ENOX2: variants seen among roughly 807,000 people sequenced by gnomAD.
ENOX2 encodes ecto-NOX disulfide-thiol exchanger 2.
In ENOX2, 36 loss-of-function variants were observed where a neutral mutation model predicts 45.0. The ratio of observed to expected loss-of-function variants is 0.80; its 90% CI spans 0.61 to 1.06. The LOEUF (loss-of-function observed/expected upper bound fraction) is 1.06, where lower values mean the gene tolerates loss of function less well. ENOX2 is among the 50% of genes least tolerant of loss of function. The pLI is 0.00. For missense variants in ENOX2, 423 were observed against 462.5 expected (o/e 0.91, Z 0.78); for synonymous variants, 174 against 152.3 (o/e 1.14, Z -1.05).
chrX:130,688,602 T>C (rs1453188684), intron 5 of ENOX2, among the ~76,000 whole-genome samples: 1 of 112,166 alleles, frequency 8.9e-6, no homozygotes, highest in African/African-American at 3.2e-5. Flanking sequence ...TGCTTCCTTC[T>C]TTACTAACAC....
intron 2 of ENOX2, among the ~76,000 whole-genome samples, chrX:130,817,945 G>C (rs963095708): frequency 3.6e-5 from 4 of 111,532 alleles, no homozygotes; most frequent in Admixed American, 9.5e-5. Context: ...AGAAATAAAG[G>C]GTATTCAAAT....
intron 2 of ENOX2, among the ~76,000 whole-genome samples, chrX:130,889,000 G>C (rs904656020): frequency 2.7e-5 from 3 of 111,081 alleles, no homozygotes; most frequent in African/African-American, 9.8e-5. Flanking sequence ...CAGTGTGTTG[G>C]GGGAGGATTC....
In ENOX2 at chrX:130,876,539, G is replaced by A. The variant is rs755037181; in HGVS notation, c.-183+25145C>T. On this transcript the variant is annotated intron_variant, in intron 2 of 14. Coordinates refer to ENST00000394363, the MANE Select transcript of ENOX2 (RefSeq NM_006375.4). ...AAAATGTTCTAAAATTAGATTTTTG[G>A]TGAGGGTTGCACAACCCTGTGAATA... 3.6e-5 allele frequency among the ~76,000 whole-genome samples: 4 copies of A among 111,642 alleles called. No homozygotes were observed. In the East Asian group the frequency reaches 1.1e-3, roughly 32 times the overall value.
chrX:130,637,162 G>T, intron 11 of ENOX2, 67 bp downstream of exon 11: 2 of 865,283 alleles, frequency 2.3e-6, no homozygotes, highest in Admixed American at 2.2e-5. Context: ...GATTGCAGGG[G>T]ACCCTTTTAT....
intron 2 of ENOX2, among the ~76,000 whole-genome samples, chrX:130,812,795 G>A (rs1287215609): frequency 1.8e-5 from 2 of 111,428 alleles, no homozygotes; most frequent in African/African-American, 6.5e-5. Flanking sequence ...TACAAAAATC[G>A]AAAAATCAAT....
chrX:130,871,044 G>C (rs999753527), intron 2 of ENOX2, among the ~76,000 whole-genome samples: 1 of 110,958 alleles, frequency 9.0e-6, no homozygotes, highest in Non-Finnish European at 1.9e-5. Flanking sequence ...TAGTCGTTAT[G>C]AGAAAGAGCC....
At chrX:130,835,593 G>A (rs1203729869) in intron 2 of ENOX2, among the ~76,000 whole-genome samples, 1 of 111,435 alleles carries the variant, frequency 9.0e-6, no homozygotes, top group Non-Finnish European at 1.9e-5. Context: ...TAGCTAGGCA[G>A]AAAGCAGCAT....
intron 2 of ENOX2, among the ~76,000 whole-genome samples, chrX:130,863,365 A>G (rs1397809513): frequency 8.9e-6 from 1 of 112,226 alleles, no homozygotes; most frequent in African/African-American, 3.2e-5. Flanking sequence ...CCCTTTTGAA[A>G]TGTACATACA....
intron 2 of ENOX2, among the ~76,000 whole-genome samples, chrX:130,795,674 T>C (rs747357617): frequency 5.4e-5 from 6 of 111,901 alleles, no homozygotes; most frequent in African/African-American, 1.9e-4. Flanking sequence ...CCCAAATTAC[T>C]GTACCAGCTT....
rs753578339 is a variant in ENOX2, at chrX:130,833,303, G to A, written c.-182-49613C>T. Among the ~76,000 whole-genome samples, 3 of 110,767 alleles carry A rather than the reference G, an allele frequency of 2.7e-5. No homozygotes were observed. In the Admixed American group the frequency reaches 2.9e-4, roughly 11 times the overall value. ...TGATATATCTCTATCTTCTTTGGGG[G>A]ACTATGGAAAGGGGACCAACAAAAC... is the stretch of plus-strand genomic sequence containing the variant. On this transcript the variant is annotated intron_variant, in intron 2 of 14. Coordinates refer to ENST00000394363, the MANE Select transcript of ENOX2 (RefSeq NM_006375.4).
At chrX:130,732,819 T>G (rs1459094769) in intron 3 of ENOX2, among the ~76,000 whole-genome samples, 1 of 111,481 alleles carries the variant, frequency 9.0e-6, no homozygotes, top group Non-Finnish European at 1.9e-5. Context: ...GAACTGGATA[T>G]CCACATGCAA....
At chrX:130,739,181 C>T (rs1054303515) in intron 3 of ENOX2, among the ~76,000 whole-genome samples, 3 of 112,516 alleles carry the variant, frequency 2.7e-5, no homozygotes, top group Non-Finnish European at 5.6e-5. Context: ...GAATTTTAAT[C>T]TTTTCCCGGG....
chrX:130,783,147 C>T lies in ENOX2; in HGVS notation c.-39+400G>A, dbSNP rs183571065. On this transcript the variant is annotated intron_variant, in intron 3 of 14. Coordinates refer to ENST00000394363, the MANE Select transcript of ENOX2 (RefSeq NM_006375.4). ...GACAAATGCACAGTGAAACCATTCA[C>T]TCATGCAATTCCTTCTACCTAAATC... Among the ~76,000 whole-genome samples, 512 of 112,124 alleles carry T rather than the reference C, an allele frequency of 4.6e-3. 5 individuals carry two copies. The highest frequency in any genetic ancestry group is 0.043 in the Admixed American group (456 of 10,588).
At chrX:130,750,075 CTCTG>C (rs763638758) in intron 3 of ENOX2, among the ~76,000 whole-genome samples, 10 of 110,793 alleles carry the variant, frequency 9.0e-5, no homozygotes, top group Non-Finnish European at 1.7e-4. Context: ...CTGCATCTCA[CTCTG>C]TCTGTCTATC....
chrX:130,812,301 C>T (rs2077402977), intron 2 of ENOX2, among the ~76,000 whole-genome samples: 1 of 111,739 alleles, frequency 8.9e-6, no homozygotes, highest in African/African-American at 3.3e-5. Flanking sequence ...ACAGGGCATC[C>T]TGAAAGCAAT....
At chrX:130,694,634 C>G (rs1032445619) in intron 4 of ENOX2, among the ~76,000 whole-genome samples, 1 of 97,525 alleles carries the variant, frequency 1.0e-5, no homozygotes, top group African/African-American at 3.8e-5. Context: ...TGGAGTCTCG[C>G]TCTTATCATC....
At chrX:130,884,597 T>C (rs748462775) in intron 2 of ENOX2, among the ~76,000 whole-genome samples, 6 of 111,943 alleles carry the variant, frequency 5.4e-5, no homozygotes, top group East Asian at 2.8e-4. Flanking sequence ...ATTTGATGAA[T>C]TGATAATGTG....
chrX:130,766,945 T>C (rs1048896106), intron 3 of ENOX2, among the ~76,000 whole-genome samples: 1 of 111,899 alleles, frequency 8.9e-6, no homozygotes, highest in African/African-American at 3.2e-5. Context: ...CACAAACTAA[T>C]CTATGGATGT....
At chrX:130,687,307 G>A (rs929118083) in intron 5 of ENOX2, among the ~76,000 whole-genome samples, 1 of 112,136 alleles carries the variant, frequency 8.9e-6, no homozygotes, top group Non-Finnish European at 1.9e-5. Flanking sequence ...ATGAAAGCCT[G>A]CTGCAGGCTG....
Sources: allele counts gnomAD v4.1 joint callset (sites outside exome capture counted in the v4.1 genomes callset), GRCh38; gene constraint gnomAD v4.1.1; transcripts MANE v1.5; gene names NCBI Gene and HGNC (gene_info 2026-07-23, HGNC 2026-07-21).